The following MALRD1 variants were observed in gnomAD, a reference collection of about 807,000 sequenced individuals.
MALRD1 encodes MAM and LDL receptor class A domain containing 1.
A neutral mutation model predicts 242.1 loss-of-function variants in MALRD1; 247 were observed. The ratio of observed to expected loss-of-function variants is 1.02; its 90% CI spans 0.92 to 1.13. The LOEUF (loss-of-function observed/expected upper bound fraction) is 1.13. Among genes scored for constraint, MALRD1 ranks in the 50% most tolerant of loss-of-function variants. The pLI is 0.00. For missense variants in MALRD1, 2,989 were observed against 2,533.1 expected, an observed-to-expected ratio of 1.18 and a Z score of -3.86; for synonymous variants, 995 against 866.6, an observed-to-expected ratio of 1.15 and a Z score of -2.60.
intron 26 of MALRD1, among the ~76,000 whole-genome samples, chr10:19,383,539 G>A (rs573815747): frequency 2.0e-5 from 3 of 152,100 alleles, no homozygotes; most frequent in African/African-American, 4.8e-5. Flanking sequence ...ATGGTAGAAT[G>A]ATTTATATTC....
chr10:19,147,464 GCAGA>G (rs1190859830), intron 11 of MALRD1, among the ~76,000 whole-genome samples: 35 of 152,198 alleles, frequency 2.3e-4, no homozygotes, highest in Admixed American at 9.2e-4. Context: ...ACATTTTGTG[GCAGA>G]CAAAGTTAAG....
chr10:19,553,379 C>T (rs1835579328), intron 32 of MALRD1, among the ~76,000 whole-genome samples: 1 of 151,900 alleles, frequency 6.6e-6, no homozygotes, highest in Non-Finnish European at 1.5e-5. Context: ...TAAGTCAAGA[C>T]ATTTGGTTGT....
intron 24 of MALRD1, among the ~76,000 whole-genome samples, chr10:19,345,000 G>GA (rs1326244187): frequency 1.3e-5 from 2 of 152,082 alleles, no homozygotes; most frequent in East Asian, 1.9e-4. Flanking sequence ...CAAATGCCAG[G>GA]AATTGGCATC....
chr10:19,351,992 A>C lies in MALRD1; in HGVS notation c.4150-14A>C. On this transcript the variant is annotated splice_polypyrimidine_tract_variant and intron_variant, in intron 25 of 39. Transcript: ENST00000454679. ...TAATCATATCGTATGTAATATTCCTATTCTTGATTACAGATTATTTTTCAT... is the reference window on the plus strand; with the variant it reads ...TAATCATATCGTATGTAATATTCCTCTTCTTGATTACAGATTATTTTTCAT... The C allele has an allele frequency of 6.6e-7, 1 of 1,526,102 alleles. No individual in the cohort carries two copies. Among genetic ancestry groups the C allele is most frequent in the Non-Finnish European group, 8.9e-7 (1 of 1,125,976 alleles). 94.5% of individuals were successfully genotyped at this position (1,526,102 alleles called of 1,614,324 possible).
chr10:19,370,363 T>G (rs897061478), intron 26 of MALRD1, among the ~76,000 whole-genome samples: 1 of 152,184 alleles, frequency 6.6e-6, no homozygotes, highest in Admixed American at 6.5e-5. Flanking sequence ...GCATGATATA[T>G]CTCTTCAATT....
chr10:19,133,413 T>C lies in MALRD1; in HGVS notation c.1111-443T>C, dbSNP rs944959806. ...AAAAAATATTTAGTATAAATTGAAA[T>C]TGTGCAGAAAATGCATCTGACAACA... On this transcript the variant is annotated intron_variant, in intron 8 of 39. Coordinates refer to ENST00000454679, the MANE Select transcript of MALRD1 (RefSeq NM_001142308.3). 2.0e-5 allele frequency among the ~76,000 whole-genome samples: 3 copies of C among 152,184 alleles called. No individual in the cohort carries two copies. The East Asian group carries it at 5.8e-4, about 29-fold the overall frequency.
At chr10:19,469,386 TGTATTGCTAAA>T (rs1468214208) in intron 29 of MALRD1, among the ~76,000 whole-genome samples, 3 of 152,134 alleles carry the variant, frequency 2.0e-5, no homozygotes, top group Non-Finnish European at 4.4e-5. Context: ...CACAGCTGAT[TGTATTGCTAAA>T]TAATGCTATT....
At chr10:19,118,730 G>A (rs1836961570) in intron 5 of MALRD1, among the ~76,000 whole-genome samples, 1 of 152,174 alleles carries the variant, frequency 6.6e-6, no homozygotes, top group African/African-American at 2.4e-5. Context: ...TAGTTTTACA[G>A]GTTAACTTCG....
At chr10:19,439,358 C>A (rs113479416) in intron 28 of MALRD1, among the ~76,000 whole-genome samples, 1 of 152,038 alleles carries the variant, frequency 6.6e-6, no homozygotes, top group East Asian at 1.9e-4. Flanking sequence ...TAGTAAGGCC[C>A]GGTCTCTGCA....
intron 29 of MALRD1, among the ~76,000 whole-genome samples, chr10:19,475,098 T>G (rs1211374700): frequency 6.6e-6 from 1 of 152,184 alleles, no homozygotes; most frequent in Non-Finnish European, 1.5e-5. Flanking sequence ...TGCTGAAGGA[T>G]TTTAAGATTT....
At chr10:19,698,159 T>A (rs1382615457) in intron 38 of MALRD1, among the ~76,000 whole-genome samples, 5 of 152,338 alleles carry the variant, frequency 3.3e-5, no homozygotes, top group Non-Finnish European at 7.4e-5. Flanking sequence ...TTAGTGCTTA[T>A]AATTTCTATA....
intron 26 of MALRD1, among the ~76,000 whole-genome samples, chr10:19,359,358 G>C (rs988673160): frequency 9.2e-5 from 14 of 152,078 alleles, no homozygotes; most frequent in Non-Finnish European, 1.8e-4. Flanking sequence ...CTAGACTACT[G>C]TTCATACAGT....
intron 2 of MALRD1, among the ~76,000 whole-genome samples, chr10:19,077,622 T>C (rs2131271101): frequency 6.6e-6 from 1 of 152,016 alleles, no homozygotes; most frequent in Middle Eastern, 3.4e-3. Context: ...GTGTCTGAAG[T>C]GCTTGTTTTT....
intron 21 of MALRD1, among the ~76,000 whole-genome samples, chr10:19,319,852 G>A (rs965175573): frequency 5.9e-5 from 9 of 151,802 alleles, no homozygotes; most frequent in African/African-American, 2.2e-4. Flanking sequence ...GAACACAAAT[G>A]TTCACACCAT....
At chr10:19,379,973 A>ATTTT (rs35629873) in intron 26 of MALRD1, among the ~76,000 whole-genome samples, 1 of 130,602 alleles carries the variant, frequency 7.7e-6, no homozygotes. Context: ...TTTTTATTTA[A>ATTTT]TTTTTTTTTT....
chr10:19,625,191 A>G (rs763095449), intron 36 of MALRD1, among the ~76,000 whole-genome samples: 21 of 152,260 alleles, frequency 1.4e-4, no homozygotes, highest in Non-Finnish European at 2.6e-4. Context: ...ACCCTTGTGG[A>G]TGTTGCCTCT....
intron 24 of MALRD1, among the ~76,000 whole-genome samples, chr10:19,338,237 T>C (rs1172126256): frequency 6.6e-6 from 1 of 152,070 alleles, no homozygotes; most frequent in African/African-American, 2.4e-5. Context: ...GTTCTGTGGG[T>C]TTAACAAATG....
intron 24 of MALRD1, among the ~76,000 whole-genome samples, chr10:19,335,199 T>TTC (rs1554834786): frequency 7.3e-4 from 110 of 150,276 alleles, no homozygotes; most frequent in Non-Finnish European, 1.4e-3. Context: ...TTTGTTTTTT[T>TTC]TTTTTTTTAG....
rs1836655052 is a variant in MALRD1 at position 19,203,713 on chromosome 10, A to G, written c.1952-15A>G. 6.6e-7 allele frequency: 1 copy of G among 1,514,994 alleles called. No homozygotes were observed. The highest frequency in any genetic ancestry group is 8.9e-7 in the Non-Finnish European group (1 of 1,126,620). 93.8% of individuals were successfully genotyped at this position (1,514,994 alleles called of 1,614,324 possible). A position where few individuals can be genotyped will look rare whatever the true frequency, so the allele number is the denominator to read the frequency against. ...TTTGGAGAGCCAACATAAGAGCCAC[A>G]TTTTTGTTCTTCAGTTTCCAAGTGT... is the stretch of plus-strand genomic sequence containing the variant. On this transcript the variant is annotated splice_polypyrimidine_tract_variant and intron_variant, in intron 14 of 39. Transcript: ENST00000454679.
Sources: gnomAD v4.1 joint callset for allele counts (sites outside exome capture counted in the v4.1 genomes callset) on GRCh38, gnomAD v4.1.1 for gene constraint, MANE v1.5 for transcripts, NCBI Gene and HGNC (gene_info 2026-07-23, HGNC 2026-07-21) for gene names.